ACTR1B: variants seen among roughly 807,000 people sequenced by gnomAD.
ACTR1B encodes beta-centractin.
In ACTR1B, 34 loss-of-function variants were observed where a neutral mutation model predicts 49.4. The ratio of observed to expected loss-of-function variants is 0.69; its 90% CI spans 0.52 to 0.92. The LOEUF (loss-of-function observed/expected upper bound fraction) is 0.92, where lower values mean the gene tolerates loss of function less well. Ranked by LOEUF, ACTR1B falls within the 40% of genes least tolerant of loss-of-function variation. The pLI is 0.00. For synonymous variants in ACTR1B, 207 were observed against 207.8 expected (o/e 1.00, Z 0.03); for missense variants, 471 against 522.4 (o/e 0.90, Z 0.96).
chr2:97,660,274 C>T lies in ACTR1B; in HGVS notation c.189+297G>A, dbSNP rs78163692. Among the ~76,000 whole-genome samples the T allele has an allele frequency of 2.6e-3, 395 of 152,356 alleles. 2 individuals are homozygous for T. Among genetic ancestry groups the T allele is most frequent in the African/African-American group, 9.0e-3 (375 of 41,574 alleles). On this transcript the variant is annotated intron_variant, in intron 3 of 10. Transcript: ENST00000289228. The stretch of plus-strand genomic sequence containing the variant: ...CACTGTGAGAGGCGGCCCCATGGCC[C>T]TCATTAGAGCAGACGTGAAGTGTGT...
In ACTR1B at chr2:97,658,305, G is replaced by A. The variant is rs1318836118; in HGVS notation, c.669C>T (p.Tyr223=). 1.2e-6 allele frequency: 2 copies of A among 1,614,222 alleles called. No homozygotes were observed. Among genetic ancestry groups the A allele is most frequent in the African/African-American group, 1.3e-5 (1 of 75,070 alleles). ...CATCCTTCTGTGGGTTGATGGACAG[G>A]TAGCACGCTCGCTGCGGGGACAGGG... is the stretch of plus-strand genomic sequence containing the variant. ...VVRTIKERAC[Y]LSINPQKDEA... is the part of the protein sequence containing the mutation. The change falls in exon 7 of 11, where the codon TAC becomes TAT. Residue 223 remains tyrosine, a synonymous_variant. Transcript: ENST00000289228. The surrounding 1 kb of genome is among the most constrained non-coding windows in gnomAD (Gnocchi z 5.9).
Position 97,659,140 on chromosome 2 carries a change from C to T in ACTR1B, c.316-137G>A, listed in dbSNP as rs1674944046. 2 of 1,476,150 alleles carry T rather than the reference C, an allele frequency of 1.4e-6. No homozygotes were observed. The highest frequency in any genetic ancestry group is 2.3e-5 in the East Asian group (1 of 43,944). The allele number at this position is 1,476,150 out of a possible 1,614,324, so 91.4% of individuals were successfully genotyped here. A position where few individuals can be genotyped will look rare whatever the true frequency, so the allele number is the denominator to read the frequency against. ...CCTCCTGAGGGCCCCATCCCTTTAT[C>T]TGCTGGCAGTTACTCTTCCGGAGAT... On this transcript the variant is annotated intron_variant, in intron 4 of 10. Coordinates refer to ENST00000289228, the MANE Select transcript of ACTR1B (RefSeq NM_005735.4). This position sits in a 1 kb window ranked among gnomAD's most constrained non-coding sequence, Gnocchi z 4.0.
intron 1 of ACTR1B, among the ~76,000 whole-genome samples, chr2:97,662,295 T>G (rs533734921): frequency 8.6e-5 from 13 of 150,772 alleles, no homozygotes; most frequent in Non-Finnish European, 1.8e-4. Context: ...AATATAGAGA[T>G]AGAGAAACCA....
intron 1 of ACTR1B, among the ~76,000 whole-genome samples, chr2:97,663,430 C>G (rs1675081737): frequency 6.6e-6 from 1 of 152,226 alleles, no homozygotes; most frequent in Non-Finnish European, 1.5e-5. Context: ...CAGCAGTGTG[C>G]AAATGACAAA....
Position 97,659,006 on chromosome 2 carries a change from G to A in ACTR1B, c.316-3C>T. On this transcript the variant is annotated splice_region_variant and splice_polypyrimidine_tract_variant and intron_variant, in intron 4 of 10. Coordinates refer to ENST00000289228, the MANE Select transcript of ACTR1B (RefSeq NM_005735.4). The surrounding 1 kb of genome is among the most constrained non-coding windows in gnomAD (Gnocchi z 4.0). The stretch of plus-strand genomic sequence containing the variant: ...GCCTCCGTGAGGAGCACAGGATGCT[G>A]CGAGGGACGGGACAGTTGTAGGCAT... 1 of 1,614,088 alleles carries A rather than the reference G, an allele frequency of 6.2e-7. No individual in the cohort carries two copies. The highest frequency in any genetic ancestry group is 8.5e-7 in the Non-Finnish European group (1 of 1,180,020).
At chr2:97,657,603 G>GATAGAGGACCAGCA in intron 8 of ACTR1B, 94 bp from the exon 9 acceptor site, 1 of 1,283,316 alleles carries the variant, frequency 7.8e-7, no homozygotes, top group Non-Finnish European at 1.1e-6. Context: ...AGCTACTGCT[G>GATAGAGGACCAGCA]GTCCTCTATC....
At chr2:97,657,647 G>T in intron 8 of ACTR1B, 138 bp from the exon 9 acceptor site, 1 of 989,562 alleles carries the variant, frequency 1.0e-6, no homozygotes, top group South Asian at 1.4e-5. Flanking sequence ...GCAAGGCTGA[G>T]AAATGATCCA....
At chr2:97,660,674 T>C (rs1026820557) in intron 2 of ACTR1B, 28 bp from the exon 3 acceptor site, 42 of 1,608,308 alleles carry the variant, frequency 2.6e-5, no homozygotes, top group Non-Finnish European at 3.3e-5. Flanking sequence ...GTCAGCAAGG[T>C]GGGCAGGGAG....
In ACTR1B at chr2:97,658,452, A is replaced by T. The variant is rs1674916777; in HGVS notation, c.632T>A (p.Phe211Tyr). 1 of 1,614,002 alleles carries T rather than the reference A, an allele frequency of 6.2e-7. No homozygotes were observed. Among genetic ancestry groups the T allele is most frequent in the East Asian group, 2.2e-5 (1 of 44,876 alleles). The change falls in exon 6 of 11, where the codon TTT (phenylalanine) becomes TAT (tyrosine). Residue 211 changes from phenylalanine to tyrosine, a missense_variant. By Grantham distance (22) the Phe-to-Tyr change is conservative (BLOSUM62 3). Coordinates refer to ENST00000289228, the MANE Select transcript of ACTR1B (RefSeq NM_005735.4). This position sits in a 1 kb window ranked among gnomAD's most constrained non-coding sequence, Gnocchi z 5.9. ...CTCTTTGATTGTCCGGACAACCTCA[A>T]ACTCAGCCGAGGTATGGAAGTCAAC... Reference protein sequence around the residue: ...EGVDFHTSAEFEVVRTIKERA... With the variant: ...EGVDFHTSAEYEVVRTIKERA...
rs1156618160 is a variant in ACTR1B, at chr2:97,658,694, T to A, written c.441-51A>T. On this transcript the variant is annotated intron_variant, in intron 5 of 10. Transcript: ENST00000289228. This position sits in a 1 kb window ranked among gnomAD's most constrained non-coding sequence, Gnocchi z 5.9. ...CCTCAGCCACTGAGGCACGGGGACC[T>A]CCTCACCCAGGGGAGGAACCCTGGC... is the stretch of plus-strand genomic sequence containing the variant. The A allele has an allele frequency of 2.5e-6, 4 of 1,603,696 alleles. No homozygotes were observed. The African/African-American group carries it at 5.4e-5, about 21-fold the overall frequency.
rs376789745 is a variant in ACTR1B, at chr2:97,660,552, G to A, written c.189+19C>T. On this transcript the variant is annotated intron_variant, in intron 3 of 10. Coordinates refer to ENST00000289228, the MANE Select transcript of ACTR1B (RefSeq NM_005735.4). ...CTGAGGACCCCACCCCCAGGGAAAG[G>A]CAGGCTCCTCGGTGTTACCTCTGCT... 3.1e-6 allele frequency: 5 copies of A among 1,612,552 alleles called. No homozygotes were observed. In the African/African-American group the frequency reaches 6.7e-5, roughly 22 times the overall value.
chr2:97,657,102 C>CCA (rs1171345476), intron 10 of ACTR1B, 50 bp downstream of exon 10: 1 of 1,600,494 alleles, frequency 6.2e-7, no homozygotes, highest in African/African-American at 1.3e-5. Context: ...GGAGGAGCAT[C>CCA]CAGGGTAAAG....
intron 1 of ACTR1B, 143 bp downstream of exon 1, chr2:97,663,700 G>A (rs1221814016): frequency 7.2e-6 from 2 of 279,656 alleles, no homozygotes. Flanking sequence ...GCGCGCCCCC[G>A]GGGCGAAGCC....
chr2:97,656,553 G>C lies in ACTR1B; in HGVS notation c.*305C>G, dbSNP rs1674847510. 1 of 326,390 alleles carries C rather than the reference G, an allele frequency of 3.1e-6. No homozygotes were observed. The highest frequency in any genetic ancestry group is 3.7e-5 in the South Asian group (1 of 26,946). 20.2% of individuals were successfully genotyped at this position (326,390 alleles called of 1,614,324 possible). On this transcript the variant is annotated 3_prime_UTR_variant, in exon 11 of 11. Coordinates refer to ENST00000289228, the MANE Select transcript of ACTR1B (RefSeq NM_005735.4). ...CCCTGGAGCTCAGGGAGGCAGCCCT[G>C]AGAGTCGGAGCAGGGAACCACAGGC...
intron 10 of ACTR1B, 59 bp downstream of exon 10, chr2:97,657,093 G>A: frequency 6.3e-7 from 1 of 1,597,730 alleles, no homozygotes. Flanking sequence ...CCAACAATGG[G>A]AGGAGCATCC....
chr2:97,656,809 T>C lies in ACTR1B; in HGVS notation c.*49A>G, dbSNP rs1222554860. On this transcript the variant is annotated 3_prime_UTR_variant, in exon 11 of 11. Transcript: ENST00000289228. ...CAAGACCAAAAAGGGTTAAAGGCTCTGTCTCCCCTCCCTCCCCCTCTCCCA... is the reference window on the plus strand; with the variant it reads ...CAAGACCAAAAAGGGTTAAAGGCTCCGTCTCCCCTCCCTCCCCCTCTCCCA... The C allele has an allele frequency of 6.8e-7, 1 of 1,477,880 alleles. No homozygotes were observed. Among genetic ancestry groups the C allele is most frequent in the Non-Finnish European group, 9.3e-7 (1 of 1,079,064 alleles). 91.5% of individuals were successfully genotyped at this position (1,477,880 alleles called of 1,614,324 possible). A position where few individuals can be genotyped will look rare whatever the true frequency, so the allele number is the denominator to read the frequency against.
In ACTR1B at chr2:97,656,604, C is replaced by T. The variant is rs1247422168; in HGVS notation, c.*254G>A. On this transcript the variant is annotated 3_prime_UTR_variant, in exon 11 of 11. Coordinates refer to ENST00000289228, the MANE Select transcript of ACTR1B (RefSeq NM_005735.4). ...CTAGCTGGCCCTGCCAGGGGGATAC[C>T]CACAACAGCCTGACATGGCGCTCAA... is the stretch of plus-strand genomic sequence containing the variant. 4.3e-6 allele frequency: 2 copies of T among 470,418 alleles called. No homozygotes were observed. Among genetic ancestry groups the T allele is most frequent in the East Asian group, 8.0e-5 (2 of 25,132 alleles). The allele number at this position is 470,418 out of a possible 1,614,324, so 29.1% of individuals were successfully genotyped here. A position where few individuals can be genotyped will look rare whatever the true frequency, so the allele number is the denominator to read the frequency against.
Position 97,663,882 on chromosome 2 carries a change from G to C in ACTR1B, c.9C>G (p.Ser3=). ...CAGGCTGGTTGGCGATGATGTCGTA[G>C]GACTCCATGGCCGGGCCGCGCCGGC... The part of the protein sequence containing the change: ME[S]YDIIANQPVV... Residue 3 remains serine, a synonymous_variant, in exon 1 of 11, where the codon TCC becomes TCG. Transcript: ENST00000289228. The C allele has an allele frequency of 7.0e-7, 1 of 1,422,452 alleles. No individual in the cohort carries two copies. The highest frequency in any genetic ancestry group is 1.5e-5 in the African/African-American group (1 of 67,730). 88.1% of individuals were successfully genotyped at this position (1,422,452 alleles called of 1,614,324 possible).
intron 8 of ACTR1B, 144 bp downstream of exon 8, chr2:97,657,799 T>A: frequency 1.0e-6 from 1 of 984,370 alleles, no homozygotes; most frequent in Non-Finnish European, 1.5e-6. Context: ...AAAATTTAAT[T>A]TTAAATTTTG....
Sources: gnomAD v4.1 joint callset for allele counts (sites outside exome capture counted in the v4.1 genomes callset) on GRCh38, gnomAD v4.1.1 for gene constraint, Gnocchi (gnomAD v3.1) non-coding constraint, MANE v1.5 for transcripts, NCBI Gene and HGNC (gene_info 2026-07-23, HGNC 2026-07-21) for gene names.